MCU: variants seen among roughly 807,000 people sequenced by gnomAD.
The protein encoded by MCU is mitochondrial calcium uniporter.
In MCU, 12 loss-of-function variants were observed where a neutral mutation model predicts 45.2. The ratio of observed to expected loss-of-function variants is 0.27; its 90% CI spans 0.17 to 0.43. MCU has a LOEUF of 0.43. MCU is among the 20% of genes least tolerant of loss of function. The pLI, the probability that MCU is intolerant of heterozygous loss-of-function variation, is 1.00. For synonymous variants in MCU, 160 were observed against 165.1 expected (o/e 0.97, Z 0.24); for missense variants, 324 against 436.7 (o/e 0.74, Z 2.30).
intron 1 of MCU, among the ~76,000 whole-genome samples, chr10:72,767,975 A>G (rs547917196): frequency 6.6e-6 from 1 of 152,290 alleles, no homozygotes. Flanking sequence ...CAACTTGGAA[A>G]AACAATATTT....
chr10:72,727,264 A>G (rs1843114184), intron 1 of MCU, among the ~76,000 whole-genome samples: 2 of 152,190 alleles, frequency 1.3e-5, no homozygotes, highest in African/African-American at 4.8e-5. Flanking sequence ...TAAAGAACAG[A>G]TGAAAATACT....
intron 1 of MCU, among the ~76,000 whole-genome samples, chr10:72,811,857 AT>A (rs1415107597): frequency 6.6e-6 from 1 of 152,164 alleles, no homozygotes; most frequent in African/African-American, 2.4e-5. Context: ...TTTCAGTATT[AT>A]TTTCATATAC....
intron 3 of MCU, 97 bp from the exon 4 acceptor site, chr10:72,860,326 A>G: frequency 1.0e-6 from 1 of 981,808 alleles, no homozygotes; most frequent in East Asian, 2.4e-5. Context: ...TTTAAAAGGA[A>G]GAGGTAATTT....
intron 1 of MCU, among the ~76,000 whole-genome samples, chr10:72,832,077 T>G (rs1031624010): frequency 3.3e-5 from 5 of 152,104 alleles, no homozygotes; most frequent in African/African-American, 1.2e-4. Flanking sequence ...TATTTTAATG[T>G]TTTTTAAGAG....
chr10:72,832,720 A>G (rs1041675378), intron 1 of MCU, among the ~76,000 whole-genome samples: 3 of 152,214 alleles, frequency 2.0e-5, no homozygotes, highest in Non-Finnish European at 4.4e-5. Context: ...CTTTACATGT[A>G]TTACTCATTT....
intron 1 of MCU, among the ~76,000 whole-genome samples, chr10:72,711,213 C>T (rs1191320111): frequency 6.7e-6 from 1 of 149,744 alleles, no homozygotes; most frequent in Non-Finnish European, 1.5e-5. Flanking sequence ...ATGTATCCTT[C>T]TGCAAATCTT....
intron 1 of MCU, among the ~76,000 whole-genome samples, chr10:72,766,212 A>G (rs763670476): frequency 9.9e-5 from 15 of 152,178 alleles, no homozygotes; most frequent in Non-Finnish European, 1.8e-4. Context: ...TAAAGTTAAG[A>G]GAAAGTTGCA....
At chr10:72,851,435 C>G (rs1402981746) in intron 2 of MCU, among the ~76,000 whole-genome samples, 2 of 152,152 alleles carry the variant, frequency 1.3e-5, no homozygotes, top group African/African-American at 2.4e-5. Flanking sequence ...GCTGGCTGAA[C>G]AGGAGACTGG....
At chr10:72,873,636 T>C (rs926623139) in intron 6 of MCU, among the ~76,000 whole-genome samples, 2 of 152,210 alleles carry the variant, frequency 1.3e-5, no homozygotes, top group Non-Finnish European at 2.9e-5. Context: ...CTATTTTGAC[T>C]TGTGTTGCCT....
chr10:72,844,317 G>A (rs576551166), intron 2 of MCU, among the ~76,000 whole-genome samples: 26 of 152,270 alleles, frequency 1.7e-4, no homozygotes, highest in African/African-American at 6.3e-4. Context: ...AACCCGGGAG[G>A]CAGAGGTTGC....
At chr10:72,746,798 C>T (rs919566470) in intron 1 of MCU, among the ~76,000 whole-genome samples, 2 of 152,186 alleles carry the variant, frequency 1.3e-5, no homozygotes, top group African/African-American at 4.8e-5. Context: ...CTAATCCCTG[C>T]CGACTCTGAG....
chr10:72,764,102 T>G (rs1290219979), intron 1 of MCU, among the ~76,000 whole-genome samples: 1 of 152,222 alleles, frequency 6.6e-6, no homozygotes, highest in East Asian at 1.9e-4. Flanking sequence ...TAGCATCCCC[T>G]TCACATTTAC....
At chr10:72,836,295 T>A (rs1323231011) in intron 2 of MCU, among the ~76,000 whole-genome samples, 1 of 152,160 alleles carries the variant, frequency 6.6e-6, no homozygotes, top group Admixed American at 6.5e-5. Context: ...AAGTCACATG[T>A]TATACTACAG....
At chr10:72,718,145 A>C (rs537753859) in intron 1 of MCU, among the ~76,000 whole-genome samples, 1 of 152,296 alleles carries the variant, frequency 6.6e-6, no homozygotes, top group African/African-American at 2.4e-5. Flanking sequence ...GGAGACATTT[A>C]TATGATCACC....
At chr10:72,875,863 C>T (rs1024350469) in intron 6 of MCU, among the ~76,000 whole-genome samples, 10 of 152,180 alleles carry the variant, frequency 6.6e-5, no homozygotes, top group Admixed American at 6.5e-5. Context: ...TGCAGGTGGA[C>T]CAGCCGTCCC....
chr10:72,866,540 G>A (rs1206292407), intron 4 of MCU, among the ~76,000 whole-genome samples: 1 of 152,094 alleles, frequency 6.6e-6, no homozygotes, highest in African/African-American at 2.4e-5. Flanking sequence ...GGGATTACAG[G>A]CATGCACCAC....
chr10:72,756,583 G>A (rs747328438), intron 1 of MCU: 1 of 152,088 alleles, frequency 6.6e-6, no homozygotes, highest in Non-Finnish European at 1.5e-5. Context: ...TGTATTCATG[G>A]TCAGTACACC....
At chr10:72,853,658 TAAAG>T (rs1454999239) in intron 2 of MCU, among the ~76,000 whole-genome samples, 1 of 152,046 alleles carries the variant, frequency 6.6e-6, no homozygotes, top group Non-Finnish European at 1.5e-5. Flanking sequence ...CAACCATTCA[TAAAG>T]AAAAGCAAAG....
At chr10:72,863,533 C>T (rs1405590426) in intron 4 of MCU, among the ~76,000 whole-genome samples, 1 of 152,148 alleles carries the variant, frequency 6.6e-6, no homozygotes, top group Non-Finnish European at 1.5e-5. Flanking sequence ...AACTTGCAAA[C>T]GAACCACATA....
Sources: gnomAD v4.1 joint callset for allele counts (sites outside exome capture counted in the v4.1 genomes callset) on GRCh38, gnomAD v4.1.1 for gene constraint, MANE v1.5 for transcripts, NCBI Gene and HGNC (gene_info 2026-07-23, HGNC 2026-07-21) for gene names.